EYS: variants seen among roughly 807,000 people sequenced by gnomAD.
The protein encoded by EYS is EGF-like photoreceptor maintenance factor, also known as protein eyes shut homolog.
A neutral mutation model predicts 282.1 loss-of-function variants in EYS; 250 were observed. That is an observed-to-expected ratio of 0.89 (90% CI 0.80 to 0.98). The LOEUF is 0.98. Ranked by LOEUF, EYS falls within the 50% of genes least tolerant of loss-of-function variation. EYS has a pLI of 0.00. For missense variants in EYS, 4,016 were observed against 3,709.0 expected (o/e 1.08, Z -2.15); for synonymous variants, 1,355 against 1,282.9 (o/e 1.06, Z -1.20).
chr6:64,337,077 A>C (rs1386973078), intron 29 of EYS, among the ~76,000 whole-genome samples: 1 of 152,118 alleles, frequency 6.6e-6, no homozygotes, highest in African/African-American at 2.4e-5. Context: ...CTAAAGAAAC[A>C]AGAACAAACC....
intron 12 of EYS, among the ~76,000 whole-genome samples, chr6:65,261,300 T>C (rs1303828927): frequency 6.6e-6 from 1 of 151,928 alleles, no homozygotes; most frequent in African/African-American, 2.4e-5. Flanking sequence ...TGAATATATA[T>C]ATACACACAC....
intron 2 of EYS, among the ~76,000 whole-genome samples, chr6:65,613,470 G>A (rs949621567): frequency 2.6e-5 from 4 of 151,736 alleles, no homozygotes; most frequent in Admixed American, 2.6e-4. Context: ...TTTCAGTCTG[G>A]TACACTGGGT....
In EYS at chr6:64,829,775, G is replaced by A. The variant is rs564982537; in HGVS notation, c.2993-6953C>T. Among the ~76,000 whole-genome samples the A allele has an allele frequency of 5.1e-4, 77 of 151,926 alleles. 2 individuals are homozygous for A. The South Asian group carries it at 0.016, about 31-fold the overall frequency. ...CCCAATAGGTATAATATATGGAATT[G>A]GGAACCAGGGGGTAAAAGTGAGTGA... On this transcript the variant is annotated intron_variant, in intron 19 of 42. Coordinates refer to ENST00000503581, the MANE Select transcript of EYS (RefSeq NM_001142800.2).
Position 64,466,697 on chromosome 6 carries a change from CAATAT to C in EYS, c.5645-27350_5645-27346del, listed in dbSNP as rs1362258574. Among the ~76,000 whole-genome samples the C allele has an allele frequency of 7.9e-5, 12 of 152,036 alleles. No individual in the cohort carries two copies. In the South Asian group the frequency reaches 2.5e-3, roughly 32 times the overall value. ...ACAAAATGGTGACTCTAGTTAATAA[CAATAT>C]ATTAATATATTCTTGAAAATTGCAA... On this transcript the variant is annotated intron_variant, in intron 26 of 42. Transcript: ENST00000503581.
intron 39 of EYS, among the ~76,000 whole-genome samples, chr6:63,778,395 GGT>G (rs144942923): frequency 2.7e-5 from 4 of 150,348 alleles, no homozygotes; most frequent in East Asian, 1.9e-4. Context: ...TTAACATTTT[GGT>G]GTGTGTGTGT....
At chr6:63,920,341 G>T (rs140964293) in intron 35 of EYS, among the ~76,000 whole-genome samples, 1 of 152,174 alleles carries the variant, frequency 6.6e-6, no homozygotes, top group East Asian at 1.9e-4. Flanking sequence ...TTAGTGAGAG[G>T]CACCAGCAAG....
chr6:63,770,120 C>T (rs1049710725), intron 40 of EYS, among the ~76,000 whole-genome samples: 2 of 151,910 alleles, frequency 1.3e-5, no homozygotes, highest in Non-Finnish European at 2.9e-5. Flanking sequence ...TAGGGCTTTA[C>T]CTTAGTGCCA....
intron 39 of EYS, 29 bp from the exon 40 acceptor site, chr6:63,778,209 TAACA>T (rs1770115869): frequency 1.3e-6 from 2 of 1,545,550 alleles, no homozygotes; most frequent in Middle Eastern, 1.7e-4. Context: ...CACTTCGTGT[TAACA>T]AACAGAAGAA....
intron 24 of EYS, among the ~76,000 whole-genome samples, chr6:64,601,512 C>T (rs551048514): frequency 3.9e-5 from 6 of 152,116 alleles, no homozygotes; most frequent in East Asian, 3.9e-4. Context: ...CAATGTCTTG[C>T]TAATTTTTCT....
chr6:64,560,448 G>GA (rs1174290949), intron 26 of EYS, among the ~76,000 whole-genome samples: 1 of 151,938 alleles, frequency 6.6e-6, no homozygotes, highest in Non-Finnish European at 1.5e-5. Context: ...TGGCTTTAAA[G>GA]AAAAGTTCCA....
chr6:64,234,253 A>G (rs1223798662), intron 30 of EYS, among the ~76,000 whole-genome samples: 2 of 139,610 alleles, frequency 1.4e-5, no homozygotes, highest in African/African-American at 2.6e-5. Flanking sequence ...TGTAAAGAAA[A>G]CTCACTTTTT....
intron 30 of EYS, among the ~76,000 whole-genome samples, chr6:64,280,074 C>T (rs1768251218): frequency 6.6e-6 from 1 of 152,150 alleles, no homozygotes; most frequent in Non-Finnish European, 1.5e-5. Flanking sequence ...AGAAGTTATA[C>T]AAATCACACT....
At chr6:65,207,393 T>G (rs1310341627) in intron 12 of EYS, among the ~76,000 whole-genome samples, 1 of 151,196 alleles carries the variant, frequency 6.6e-6, no homozygotes, top group Non-Finnish European at 1.5e-5. Flanking sequence ...CACAACAAAT[T>G]AAAAGACATC....
chr6:64,545,340 T>A (rs2149801555), intron 26 of EYS, among the ~76,000 whole-genome samples: 1 of 152,252 alleles, frequency 6.6e-6, no homozygotes, highest in Admixed American at 6.5e-5. Flanking sequence ...CTAAAAACTC[T>A]CAATAAATTA....
chr6:63,954,183 A>T (rs1420820640), intron 35 of EYS, among the ~76,000 whole-genome samples: 1 of 151,894 alleles, frequency 6.6e-6, no homozygotes, highest in Non-Finnish European at 1.5e-5. Flanking sequence ...CATTCACTCC[A>T]TTTCCCCATA....
At chr6:65,266,989 T>TATATATATATAGAG (rs144200033) in intron 12 of EYS, among the ~76,000 whole-genome samples, 2 of 142,070 alleles carry the variant, frequency 1.4e-5, no homozygotes, top group African/African-American at 5.3e-5. Flanking sequence ...TATATATATA[T>TATATATATATAGAG]AGAGAGAGAG....
At chr6:65,377,845 A>C (rs1440916882) in intron 8 of EYS, among the ~76,000 whole-genome samples, 1 of 152,088 alleles carries the variant, frequency 6.6e-6, no homozygotes, top group East Asian at 1.9e-4. Context: ...AAAATCCGTA[A>C]CTAAACCACG....
chr6:64,191,984 G>T (rs1208238067), intron 31 of EYS, among the ~76,000 whole-genome samples: 1 of 145,444 alleles, frequency 6.9e-6, no homozygotes, highest in Non-Finnish European at 1.5e-5. Context: ...ATCCTCTCCA[G>T]CACCTGTTGT....
intron 22 of EYS, among the ~76,000 whole-genome samples, chr6:64,780,685 G>A (rs1022545329): frequency 6.6e-6 from 1 of 152,096 alleles, no homozygotes; most frequent in Non-Finnish European, 1.5e-5. Context: ...AAATAATCCT[G>A]CAATGAAAGG....
Sources: allele counts gnomAD v4.1 joint callset (sites outside exome capture counted in the v4.1 genomes callset), GRCh38; gene constraint gnomAD v4.1.1; transcripts MANE v1.5; gene names NCBI Gene and HGNC (gene_info 2026-07-23, HGNC 2026-07-21).